Variants in PHLDB2 observed in about 807,000 individuals in gnomAD.
PHLDB2 encodes the protein pleckstrin homology like domain family B member 2.
PHLDB2 carries 71 observed loss-of-function variants against 123.6 expected under a neutral mutation model. That is an observed-to-expected ratio of 0.57 (90% confidence interval 0.47 to 0.70). The LOEUF is 0.70. Among genes scored for constraint, PHLDB2 ranks in the 30% least tolerant of loss-of-function variants. The pLI is 0.00. For missense variants in PHLDB2, 1,446 were observed against 1,519.5 expected (o/e 0.95, Z 0.80); for synonymous variants, 547 against 541.6 (o/e 1.01, Z -0.14).
chr3:111,740,074 C>T lies in PHLDB2; in HGVS notation c.-49+7371C>T, dbSNP rs6790980. On this transcript the variant is annotated intron_variant, in intron 1 of 17. Transcript: ENST00000393923. ...ATGAGAGAAGGCAGCCCGGGCAGTACAACTCAAAGGAACCTACTAATTGCA... is the reference window on the plus strand; with the variant it reads ...ATGAGAGAAGGCAGCCCGGGCAGTATAACTCAAAGGAACCTACTAATTGCA... Among the ~76,000 whole-genome samples the T allele has an allele frequency of 4.0e-3, 614 of 152,156 alleles. 5 individuals are homozygous for T. Among genetic ancestry groups the T allele is most frequent in the African/African-American group, 0.014 (595 of 41,514 alleles).
At chr3:111,966,102 G>A (rs982360946) in intron 13 of PHLDB2, among the ~76,000 whole-genome samples, 18 of 152,184 alleles carry the variant, frequency 1.2e-4, no homozygotes, top group African/African-American at 4.3e-4. Flanking sequence ...CACATATAAA[G>A]GGACAACAAA....
At chr3:111,932,537 T>C (rs2107573870) in intron 6 of PHLDB2, 140 bp downstream of exon 6, 1 of 822,512 alleles carries the variant, frequency 1.2e-6, no homozygotes, top group East Asian at 2.9e-5. Context: ...TAAATGGAAA[T>C]ATGCATGCTA....
At chr3:111,794,179 G>C (rs1254878858) in intron 1 of PHLDB2, among the ~76,000 whole-genome samples, 1 of 152,048 alleles carries the variant, frequency 6.6e-6, no homozygotes, top group Non-Finnish European at 1.5e-5. Context: ...CAGTCGCTGG[G>C]ATGCATGATT....
At chr3:111,858,868 T>C (rs1410925721), upstream of PHLDB2, among the ~76,000 whole-genome samples, 3 of 152,186 alleles carry the variant, frequency 2.0e-5, no homozygotes, top group East Asian at 1.9e-4. Flanking sequence ...CGTGCCGAGA[T>C]TGATTATGGG....
At chr3:111,788,706 A>T (rs191457464) in intron 1 of PHLDB2, among the ~76,000 whole-genome samples, 5 of 152,364 alleles carry the variant, frequency 3.3e-5, no homozygotes, top group Non-Finnish European at 5.9e-5. Context: ...AAGCAGCCCA[A>T]CACAATTCAT....
intron 1 of PHLDB2, among the ~76,000 whole-genome samples, chr3:111,794,712 G>C (rs545367213): frequency 2.0e-5 from 3 of 152,300 alleles, no homozygotes; most frequent in Admixed American, 1.3e-4. Context: ...GATTGGATTG[G>C]ATCCACCTGG....
At chr3:111,970,216 C>A (rs1373311752) in intron 16 of PHLDB2, among the ~76,000 whole-genome samples, 1 of 151,966 alleles carries the variant, frequency 6.6e-6, no homozygotes, top group Non-Finnish European at 1.5e-5. Context: ...CAAAATATTT[C>A]CTTTTATTTG....
chr3:111,942,243 A>T (rs915655435), intron 8 of PHLDB2, among the ~76,000 whole-genome samples: 24 of 152,206 alleles, frequency 1.6e-4, no homozygotes, highest in African/African-American at 5.5e-4. Context: ...TATAAGTATT[A>T]AGATTTTTAT....
intron 1 of PHLDB2, among the ~76,000 whole-genome samples, chr3:111,794,696 TAAA>T (rs2061078425): frequency 2.0e-5 from 3 of 152,236 alleles, no homozygotes; most frequent in African/African-American, 7.2e-5. Flanking sequence ...TTTATAAGGC[TAAA>T]GTGATTGGAT....
At chr3:111,895,848 A>T (rs7647605) in intron 2 of PHLDB2, among the ~76,000 whole-genome samples, 1 of 97,534 alleles carries the variant, frequency 1.0e-5, no homozygotes, top group African/African-American at 4.6e-5. Flanking sequence ...AACTCAGTCA[A>T]AAAAAAAAAA....
chr3:111,969,871 T>G lies in PHLDB2; in HGVS notation c.3497T>G (p.Val1166Gly), dbSNP rs2072048100. Reference protein sequence around the residue: ...KIKTWKKRWFVFDRNKRTFSY... With the variant: ...KIKTWKKRWFGFDRNKRTFSY... The stretch of plus-strand genomic sequence containing the variant: ...AAAACGTGGAAAAAACGTTGGTTTG[T>G]TTTTGATCGGAACAAGCGAACATTC... The change falls in exon 16 of 18, where the codon GTT becomes GGT. Residue 1166 changes from valine (V) to glycine (G), a missense_variant. Coordinates refer to ENST00000431670, the MANE Select transcript of PHLDB2 (RefSeq NM_001134438.2). The G allele has an allele frequency of 6.2e-7, 1 of 1,613,892 alleles. No homozygotes were observed. The highest frequency in any genetic ancestry group is 8.5e-7 in the Non-Finnish European group (1 of 1,179,896).
At chr3:111,791,094 A>G (rs557686721) in intron 1 of PHLDB2, among the ~76,000 whole-genome samples, 2 of 152,246 alleles carry the variant, frequency 1.3e-5, no homozygotes, top group Non-Finnish European at 2.9e-5. Flanking sequence ...TGAATTATCA[A>G]TATTTAGATA....
At chr3:111,779,621 G>A (rs72947140) in intron 1 of PHLDB2, among the ~76,000 whole-genome samples, 1 of 152,062 alleles carries the variant, frequency 6.6e-6, no homozygotes, top group Admixed American at 6.6e-5. Context: ...ATATTCCATG[G>A]TGTATATGTA....
chr3:111,967,870 G>A lies in PHLDB2; in HGVS notation c.3315+46G>A. ...GCATATGGGCAGGTTGCCCCCTGGTGGCAGTTCCTAGAAGACAGCTGTTCT... is the reference window on the plus strand; with the variant it reads ...GCATATGGGCAGGTTGCCCCCTGGTAGCAGTTCCTAGAAGACAGCTGTTCT... On this transcript the variant is annotated intron_variant, in intron 15 of 17. Coordinates refer to ENST00000431670, the MANE Select transcript of PHLDB2 (RefSeq NM_001134438.2). 5 of 1,528,080 alleles carry A rather than the reference G, an allele frequency of 3.3e-6. 1 individual carries two copies. The Middle Eastern group carries it at 8.8e-4, about 270-fold the overall frequency. The allele number at this position is 1,528,080 out of a possible 1,614,324, so 94.7% of individuals were successfully genotyped here. A position where few individuals can be genotyped will look rare whatever the true frequency, so the allele number is the denominator to read the frequency against.
upstream of PHLDB2, among the ~76,000 whole-genome samples, chr3:111,858,101 A>G (rs1208175520): frequency 6.6e-6 from 1 of 152,248 alleles, no homozygotes; most frequent in Non-Finnish European, 1.5e-5. Context: ...TGGCACATAT[A>G]CACCATGGAA....
chr3:111,878,425 T>C (rs973438792), intron 1 of PHLDB2, among the ~76,000 whole-genome samples: 9 of 152,254 alleles, frequency 5.9e-5, no homozygotes, highest in Non-Finnish European at 1.0e-4. Flanking sequence ...TTCGCTGAAG[T>C]TGCTTATCAG....
chr3:111,755,523 C>T (rs2107986553), intron 1 of PHLDB2, among the ~76,000 whole-genome samples: 1 of 142,872 alleles, frequency 7.0e-6, no homozygotes, highest in Non-Finnish European at 1.5e-5. Context: ...TTTATTGCGT[C>T]TATTTGATTC....
intron 16 of PHLDB2, among the ~76,000 whole-genome samples, chr3:111,970,140 G>T (rs2072070580): frequency 6.6e-6 from 1 of 151,776 alleles, no homozygotes; most frequent in Non-Finnish European, 1.5e-5. Flanking sequence ...AGTGGGAAGT[G>T]GTCTATGTTA....
At chr3:111,810,412 G>C (rs2061780295) in intron 1 of PHLDB2, among the ~76,000 whole-genome samples, 1 of 152,090 alleles carries the variant, frequency 6.6e-6, no homozygotes, top group Non-Finnish European at 1.5e-5. Context: ...GAAAGTTCAA[G>C]CTCAGGGTGC....
Sources: gnomAD v4.1 joint callset for allele counts (sites outside exome capture counted in the v4.1 genomes callset) on GRCh38, gnomAD v4.1.1 for gene constraint, MANE v1.5 for transcripts, NCBI Gene and HGNC (gene_info 2026-07-23, HGNC 2026-07-21) for gene names.